TSPAN32: variants seen among roughly 807,000 people sequenced by gnomAD.
The protein encoded by TSPAN32 is tetraspanin-32.
A neutral mutation model predicts 42.7 loss-of-function variants in TSPAN32; 47 were observed. The ratio of observed to expected loss-of-function variants is 1.10; its 90% confidence interval spans 0.87 to 1.40. The LOEUF (loss-of-function observed/expected upper bound fraction) is 1.40, where lower values mean the gene tolerates loss of function less well. TSPAN32 is among the 40% of genes most tolerant of loss of function. TSPAN32 has a pLI of 0.00. For missense variants in TSPAN32, 469 were observed against 424.1 expected, an observed-to-expected ratio of 1.11 and a Z score of -0.93; for synonymous variants, 175 against 175.9, an observed-to-expected ratio of 0.99 and a Z score of 0.04.
At position 2,302,937 on chromosome 11, in the gene TSPAN32, T is replaced by C; in HGVS notation, c.160T>C (p.Tyr54His). The C allele has an allele frequency of 9.9e-6, 16 of 1,613,536 alleles. No individual in the cohort carries two copies. Among genetic ancestry groups the C allele is most frequent in the Non-Finnish European group, 1.4e-5 (16 of 1,179,746 alleles). Residue 54 changes from tyrosine (Y) to histidine (H), a missense_variant, in exon 2 of 10, where the codon TAC (tyrosine) becomes CAC (histidine). By Grantham distance (83) the Tyr-to-His change is moderately conservative. Transcript: ENST00000182290. Reference protein sequence around the residue: ...IRRASLEKNPYQAVHQWAFSA... With the variant: ...IRRASLEKNPHQAVHQWAFSA... ...CCGAGCGTCCCTGGAGAAGAACCCGTACCAGGCTGTGCACCAATGGGGTAA... is the reference window on the plus strand; with the variant it reads ...CCGAGCGTCCCTGGAGAAGAACCCGCACCAGGCTGTGCACCAATGGGGTAA...
In TSPAN32 at chr11:2,304,899, T is replaced by C. The variant is rs10831737; in HGVS notation, c.279+695T>C. Among the ~76,000 whole-genome samples the C allele has an allele frequency of 0.86, 130,455 of 152,112 alleles. 57,045 individuals carry two copies. Among genetic ancestry groups the C allele is most frequent in the African/African-American group, 0.95 (39,437 of 41,516 alleles). ...TGCCCCTGCTAGGCCCACAGCCCTC[T>C]TCTCTCACCCCAGCTGGGGCAGCTC... On this transcript the variant is annotated intron_variant, in intron 3 of 9. Coordinates refer to ENST00000182290, the MANE Select transcript of TSPAN32 (RefSeq NM_139022.3). The surrounding 1 kb of genome is among the most constrained non-coding windows in gnomAD (Gnocchi z 4.8).
In TSPAN32 at chr11:2,313,014, T is replaced by C. The variant is rs1305081589; in HGVS notation, c.355-640T>C. Among the ~76,000 whole-genome samples the C allele has an allele frequency of 6.6e-6, 1 of 152,032 alleles. No homozygotes were observed. Among genetic ancestry groups the C allele is most frequent in the Admixed American group, 6.6e-5 (1 of 15,252 alleles). ...TGCTTAGGAGGGTGGAGACATGAGG[T>C]CCAGGTGTTGGTGAGGTGTGGAGCG... is the stretch of plus-strand genomic sequence containing the variant. On this transcript the variant is annotated intron_variant, in intron 4 of 9. Transcript: ENST00000182290. The surrounding 1 kb of genome is among the most constrained non-coding windows in gnomAD (Gnocchi z 9.1).
At chr11:2,302,536 G>A (rs1847816477) in intron 1 of TSPAN32, among the ~76,000 whole-genome samples, 1 of 152,222 alleles carries the variant, frequency 6.6e-6, no homozygotes, top group Non-Finnish European at 1.5e-5. Flanking sequence ...CTGCCCCGGA[G>A]GGTGCTGGCA....
intron 1 of TSPAN32, 93 bp downstream of exon 1, chr11:2,302,308 GACACACAC>G (rs1365715310): frequency 1.6e-6 from 2 of 1,241,880 alleles, no homozygotes; most frequent in East Asian, 5.7e-5. Flanking sequence ...TCCCTCCCCT[GACACACAC>G]ACCAGCCCTA....
intron 4 of TSPAN32, among the ~76,000 whole-genome samples, chr11:2,311,455 T>G (rs1417791059): frequency 2.0e-5 from 3 of 152,172 alleles, no homozygotes; most frequent in Non-Finnish European, 2.9e-5. Flanking sequence ...TCGGGAATAA[T>G]TCATGCTCAA....
chr11:2,314,732 C>T (rs906850896), intron 6 of TSPAN32, 161 bp downstream of exon 6: 24 of 621,860 alleles, frequency 3.9e-5, no homozygotes, highest in Admixed American at 3.1e-4. Context: ...CTGATGTGAT[C>T]GGAGGCTAGT....
chr11:2,316,170 G>A lies in TSPAN32; in HGVS notation c.544-59G>A, dbSNP rs541838256. Reference sequence around the variant, plus strand: ...GCAGCTCCATGGCCCCACAGAGGCCGCTTGTCCAGGCAGGGAGGGCCGCTC... The same window carrying A: ...GCAGCTCCATGGCCCCACAGAGGCCACTTGTCCAGGCAGGGAGGGCCGCTC... On this transcript the variant is annotated intron_variant, in intron 6 of 9. Transcript: ENST00000182290. 7.1e-5 allele frequency: 108 copies of A among 1,512,654 alleles called. No homozygotes were observed. In the South Asian group the frequency reaches 1.2e-3, roughly 17 times the overall value. The allele number at this position is 1,512,654 out of a possible 1,614,324, so 93.7% of individuals were successfully genotyped here. A position where few individuals can be genotyped will look rare whatever the true frequency, so the allele number is the denominator to read the frequency against.
At position 2,313,546 on chromosome 11, in the gene TSPAN32, C is replaced by T. The variant is rs1164352354; in HGVS notation, c.355-108C>T. 2.5e-5 allele frequency: 20 copies of T among 809,958 alleles called. No homozygotes were observed. The highest frequency in any genetic ancestry group is 2.0e-4 in the South Asian group (12 of 59,752). 50.2% of individuals were successfully genotyped at this position (809,958 alleles called of 1,614,324 possible). A position where few individuals can be genotyped will look rare whatever the true frequency, so the allele number is the denominator to read the frequency against. On this transcript the variant is annotated intron_variant, in intron 4 of 9. Transcript: ENST00000182290. This position sits in a 1 kb window ranked among gnomAD's most constrained non-coding sequence, Gnocchi z 9.1. Reference sequence around the variant, plus strand: ...TGCTACAAGGAGGGCAGTGCTGGGACGTCACTCAGCACTAAGGGCCCACTA... The same window carrying T: ...TGCTACAAGGAGGGCAGTGCTGGGATGTCACTCAGCACTAAGGGCCCACTA...
rs544291048 is a variant in TSPAN32 at position 2,304,575 on chromosome 11, C to T, written c.279+371C>T. ...CCTGGGAGGGTCTGGTTCTATTGCCCAGCAAGCTCTGGGAGGGCACTGGGA... is the reference window on the plus strand; with the variant it reads ...CCTGGGAGGGTCTGGTTCTATTGCCTAGCAAGCTCTGGGAGGGCACTGGGA... On this transcript the variant is annotated intron_variant, in intron 3 of 9. Coordinates refer to ENST00000182290, the MANE Select transcript of TSPAN32 (RefSeq NM_139022.3). The surrounding 1 kb of genome is among the most constrained non-coding windows in gnomAD (Gnocchi z 4.8). Among the ~76,000 whole-genome samples the T allele has an allele frequency of 2.5e-4, 37 of 151,000 alleles. No homozygotes were observed. The highest frequency in any genetic ancestry group is 2.0e-3 in the Admixed American group (31 of 15,190).
Position 2,302,139 on chromosome 11 carries a change from G to C in TSPAN32, c.-11G>C. ...GAAGGGAGGGGAGGAGAGGAGAGGA[G>C]AGGAACCGTCATGGGGCCTTGGAGT... is the stretch of plus-strand genomic sequence containing the variant. On this transcript the variant is annotated 5_prime_UTR_variant, in exon 1 of 10. Transcript: ENST00000182290. 6 of 1,470,778 alleles carry C rather than the reference G, an allele frequency of 4.1e-6. No individual in the cohort carries two copies. Among genetic ancestry groups the C allele is most frequent in the Non-Finnish European group, 5.4e-6 (6 of 1,110,624 alleles). The allele number at this position is 1,470,778 out of a possible 1,614,324, so 91.1% of individuals were successfully genotyped here.
rs1203538860 is a variant in TSPAN32 at position 2,313,738 on chromosome 11, G to A, written c.439G>A (p.Ala147Thr). Residue 147 changes from alanine to threonine, a missense_variant, in exon 5 of 10, where the codon GCG becomes ACG. Ala to Thr is a moderately conservative substitution (Grantham distance 58, BLOSUM62 0). Coordinates refer to ENST00000182290, the MANE Select transcript of TSPAN32 (RefSeq NM_139022.3). This position sits in a 1 kb window ranked among gnomAD's most constrained non-coding sequence, Gnocchi z 9.1. ...GTSHVRRQEL[A>T]AIQDVFLCCG... ...GTCCCACGTCCGGCGGCAGGAGCTG[G>A]CGGCCATCCAGGACGTGGTGAGCGT... 1 of 1,601,872 alleles carries A rather than the reference G, an allele frequency of 6.2e-7. No homozygotes were observed. The highest frequency in any genetic ancestry group is 8.5e-7 in the Non-Finnish European group (1 of 1,176,184).
rs1034465913 is a variant in TSPAN32 at position 2,317,669 on chromosome 11, C to G, written c.901+144C>G. On this transcript the variant is annotated intron_variant, in intron 9 of 9. Coordinates refer to ENST00000182290, the MANE Select transcript of TSPAN32 (RefSeq NM_139022.3). This position sits in a 1 kb window ranked among gnomAD's most constrained non-coding sequence, Gnocchi z 6.2. Reference sequence around the variant, plus strand: ...GGGTAAGGGGTAGCTCACCAAATCCCTCCATGGGAACGGGCTGGGAGCAAG... The same window carrying G: ...GGGTAAGGGGTAGCTCACCAAATCCGTCCATGGGAACGGGCTGGGAGCAAG... 7.4e-6 allele frequency: 11 copies of G among 1,480,562 alleles called. No homozygotes were observed. In the African/African-American group the frequency reaches 1.1e-4, roughly 15 times the overall value. 91.7% of individuals were successfully genotyped at this position (1,480,562 alleles called of 1,614,324 possible). A position where few individuals can be genotyped will look rare whatever the true frequency, so the allele number is the denominator to read the frequency against.
At chr11:2,308,407 A>AC (rs1381964551) in intron 3 of TSPAN32, among the ~76,000 whole-genome samples, 1 of 30,160 alleles carries the variant, frequency 3.3e-5, no homozygotes, top group Non-Finnish European at 6.5e-5. Flanking sequence ...CGCAGTGACC[A>AC]CCCCCCCACA....
rs376093319 is a variant in TSPAN32, at chr11:2,313,770, G to A, written c.456+15G>A. ...TCCAGGACGTGGTGAGCGTGGGGAC[G>A]GCTGGGTGGCAGGGCGGTCAGCTTC... On this transcript the variant is annotated intron_variant, in intron 5 of 9. Transcript: ENST00000182290. The surrounding 1 kb of genome is among the most constrained non-coding windows in gnomAD (Gnocchi z 9.1). 20 of 1,572,160 alleles carry A rather than the reference G, an allele frequency of 1.3e-5. No individual in the cohort carries two copies. In the African/African-American group the frequency reaches 1.3e-4, roughly 11 times the overall value.
rs764606831 is a variant in TSPAN32, at chr11:2,302,834, C to T, written c.67-10C>T. On this transcript the variant is annotated splice_polypyrimidine_tract_variant and intron_variant, in intron 1 of 9. Transcript: ENST00000182290. ...CCATGCCCCACACTCTGAGTCTGCC[C>T]TATCCACAGCTGCTGGGCCTCTCTG... 2.5e-6 allele frequency: 4 copies of T among 1,611,454 alleles called. No individual in the cohort carries two copies. In the Admixed American group the frequency reaches 5.0e-5, roughly 20 times the overall value.
chr11:2,303,541 C>T (rs539663023), intron 2 of TSPAN32: 1 of 165,956 alleles, frequency 6.0e-6, no homozygotes, highest in South Asian at 1.3e-4. Context: ...GCAGGGGACT[C>T]TCAGGCAGGA....
Position 2,313,086 on chromosome 11 carries a change from C to T in TSPAN32, c.355-568C>T, listed in dbSNP as rs568960445. ...CCCCGTCACCTTCCACCTTCTTCAC[C>T]CCCTGCCCCACAGTGGCCTCGTCCA... On this transcript the variant is annotated intron_variant, in intron 4 of 9. Coordinates refer to ENST00000182290, the MANE Select transcript of TSPAN32 (RefSeq NM_139022.3). This position sits in a 1 kb window ranked among gnomAD's most constrained non-coding sequence, Gnocchi z 9.1. 1.3e-5 allele frequency among the ~76,000 whole-genome samples: 2 copies of T among 152,316 alleles called. No homozygotes were observed. The highest frequency in any genetic ancestry group is 1.9e-4 in the East Asian group (1 of 5,172).
rs931929291 is a variant in TSPAN32, at chr11:2,304,103, C to A, written c.182-4C>A. On this transcript the variant is annotated splice_region_variant and splice_polypyrimidine_tract_variant and intron_variant, in intron 2 of 9. Transcript: ENST00000182290. The surrounding 1 kb of genome is among the most constrained non-coding windows in gnomAD (Gnocchi z 4.8). The stretch of plus-strand genomic sequence containing the variant: ...TAACCCTCCTCCTCTCTCCTCCCAA[C>A]CAGCCTTCTCTGCGGGGTTGAGCCT... 7 of 1,575,620 alleles carry A rather than the reference C, an allele frequency of 4.4e-6. No homozygotes were observed. The highest frequency in any genetic ancestry group is 6.0e-6 in the Non-Finnish European group (7 of 1,160,436).
intron 2 of TSPAN32, chr11:2,303,417 G>A (rs1847883231): frequency 9.7e-6 from 2 of 205,974 alleles, no homozygotes; most frequent in South Asian, 5.4e-5. Context: ...CAGGGACTCA[G>A]CAGCGACTTA....
Sources: gnomAD v4.1 joint callset for allele counts (sites outside exome capture counted in the v4.1 genomes callset) on GRCh38, gnomAD v4.1.1 for gene constraint, Gnocchi (gnomAD v3.1) non-coding constraint, MANE v1.5 for transcripts, NCBI Gene and HGNC (gene_info 2026-07-23, HGNC 2026-07-21) for gene names.